AR: variants seen among roughly 807,000 people sequenced by gnomAD.
The protein encoded by AR is androgen receptor.
In AR, 8 loss-of-function variants were observed where a neutral mutation model predicts 53.9. That is an observed-to-expected ratio of 0.15 (90% confidence interval 0.09 to 0.27). AR has a LOEUF of 0.27. Ranked by LOEUF, AR falls within the 10% of genes least tolerant of loss-of-function variation. The pLI is 1.00. For synonymous variants in AR, 359 were observed against 316.4 expected, an observed-to-expected ratio of 1.13 and a Z score of -1.43; for missense variants, 639 against 742.5, an observed-to-expected ratio of 0.86 and a Z score of 1.62.
At chrX:67,567,403 T>C (rs1268022511) in intron 1 of AR, among the ~76,000 whole-genome samples, 1 of 111,241 alleles carries the variant, frequency 9.0e-6, no homozygotes, top group Admixed American at 9.6e-5. Context: ...TAATGGAGGG[T>C]GATGAGGAAA....
At chrX:67,680,376 T>C (rs1236364803) in intron 2 of AR, among the ~76,000 whole-genome samples, 1 of 112,241 alleles carries the variant, frequency 8.9e-6, no homozygotes, top group African/African-American at 3.2e-5. Context: ...TTCAGATAAA[T>C]TTTGGGATTA....
At chrX:67,690,903 C>G (rs1240029384) in intron 3 of AR, among the ~76,000 whole-genome samples, 1 of 111,548 alleles carries the variant, frequency 9.0e-6, no homozygotes, top group African/African-American at 3.3e-5. Context: ...TGAGGAACAG[C>G]AATTGGTTTA....
At chrX:67,621,371 T>A (rs1276810484) in intron 1 of AR, among the ~76,000 whole-genome samples, 1 of 111,766 alleles carries the variant, frequency 8.9e-6, no homozygotes, top group Non-Finnish European at 1.9e-5. Context: ...GTTTGTTTTT[T>A]AATTATACTT....
intron 1 of AR, among the ~76,000 whole-genome samples, chrX:67,637,304 T>A (rs1422970434): frequency 9.8e-6 from 1 of 101,721 alleles, no homozygotes; most frequent in African/African-American, 3.6e-5. Flanking sequence ...ATTAGGTATA[T>A]CTCCTAATGC....
intron 1 of AR, among the ~76,000 whole-genome samples, chrX:67,624,419 G>A: frequency 9.0e-6 from 1 of 111,692 alleles, no homozygotes; most frequent in Non-Finnish European, 1.9e-5. Flanking sequence ...CCCAGGTTCA[G>A]TCTTCACTGG....
chrX:67,692,389 G>A (rs180788189), intron 3 of AR, among the ~76,000 whole-genome samples: 2 of 112,543 alleles, frequency 1.8e-5, no homozygotes, highest in African/African-American at 3.2e-5. Flanking sequence ...CATAACTGAG[G>A]TGTGCACCAA....
At chrX:67,587,065 A>G (rs1365967203) in intron 1 of AR, among the ~76,000 whole-genome samples, 1 of 111,840 alleles carries the variant, frequency 8.9e-6, no homozygotes, top group Non-Finnish European at 1.9e-5. Flanking sequence ...ATGCATTCTC[A>G]TTTCCCAGAT....
chrX:67,666,806 A>G (rs774878256), intron 2 of AR, among the ~76,000 whole-genome samples: 10 of 111,557 alleles, frequency 9.0e-5, no homozygotes, highest in Non-Finnish European at 1.5e-4. Flanking sequence ...TTCTCTGATG[A>G]TCAGTGAGGT....
At chrX:67,695,398 C>T (rs995952867) in intron 3 of AR, 14 of 751,669 alleles carry the variant, frequency 1.9e-5, no homozygotes, top group Middle Eastern at 7.6e-4. Flanking sequence ...TCTCTTCAAA[C>T]ACACTGAGAG....
intron 1 of AR, among the ~76,000 whole-genome samples, chrX:67,559,117 C>T (rs756877642): frequency 3.4e-4 from 38 of 112,291 alleles, no homozygotes; most frequent in Non-Finnish European, 5.8e-4. Context: ...TTAATATGCA[C>T]CAGTTTCTTT....
intron 1 of AR, among the ~76,000 whole-genome samples, chrX:67,571,948 C>T (rs1307456214): frequency 1.8e-5 from 2 of 110,879 alleles, no homozygotes; most frequent in Non-Finnish European, 3.8e-5. Context: ...GGATTCCAGT[C>T]AGAAGATAAA....
rs911622431 is a variant in AR at position 67,582,727 on chromosome X, G to C, written c.1616+35965G>C. ...ATGATTCATTTGGTCTGGTATGAAG[G>C]CCAGGAATCTGTATTTTTAAAATTC... On this transcript the variant is annotated intron_variant, in intron 1 of 7. Transcript: ENST00000374690. Among the ~76,000 whole-genome samples the C allele has an allele frequency of 3.6e-5, 4 of 111,234 alleles. No homozygotes were observed. The East Asian group carries it at 1.1e-3, about 31-fold the overall frequency.
At chrX:67,580,715 C>G (rs993266961) in intron 1 of AR, among the ~76,000 whole-genome samples, 2 of 111,320 alleles carry the variant, frequency 1.8e-5, no homozygotes, top group African/African-American at 6.5e-5. Flanking sequence ...CCATTACTTG[C>G]TGTCATAGCA....
intron 4 of AR, among the ~76,000 whole-genome samples, chrX:67,712,792 A>G (rs1049161346): frequency 8.9e-6 from 1 of 112,309 alleles, no homozygotes; most frequent in African/African-American, 3.2e-5. Flanking sequence ...AAATAACAAC[A>G]ACCAAACCTT....
intron 2 of AR, among the ~76,000 whole-genome samples, chrX:67,653,875 A>G (rs1369077830): frequency 9.0e-6 from 1 of 111,694 alleles, no homozygotes; most frequent in Non-Finnish European, 1.9e-5. Flanking sequence ...GTTGTATTAA[A>G]TGATCTTGAA....
At chrX:67,618,582 A>G (rs1456714124) in intron 1 of AR, among the ~76,000 whole-genome samples, 1 of 111,746 alleles carries the variant, frequency 8.9e-6, no homozygotes, top group Non-Finnish European at 1.9e-5. Flanking sequence ...ATGTGCATCA[A>G]TTATTTGTGT....
rs1602281171 is a variant in AR at position 67,725,066 on chromosome X, C to T, written c.*1225C>T. 1.1e-5 allele frequency: 2 copies of T among 175,773 alleles called. No homozygotes were observed. The highest frequency in any genetic ancestry group is 1.6e-4 in the East Asian group (2 of 12,423). 14.5% of individuals were successfully genotyped at this position (175,773 alleles called of 1,213,427 possible). A position where few individuals can be genotyped will look rare whatever the true frequency, so the allele number is the denominator to read the frequency against. On this transcript the variant is annotated 3_prime_UTR_variant, in exon 8 of 8. Transcript: ENST00000374690. ...CTGAATGAAGTTTTCTGCCAAACTC[C>T]GTGAAGCCACAAGCACCTTATGTCC...
At chrX:67,577,649 T>C (rs1023632221) in intron 1 of AR, among the ~76,000 whole-genome samples, 1 of 111,549 alleles carries the variant, frequency 9.0e-6, no homozygotes, top group Admixed American at 9.5e-5. Context: ...TTATTGTCAT[T>C]GTCCTTTTCA....
chrX:67,723,733 A>C lies in AR; in HGVS notation c.2655A>C (p.Ser885=). Residue 885 remains serine, a synonymous_variant, in exon 8 of 8, where the codon TCA becomes TCC. Transcript: ENST00000374690. ...TCACTTTTGACCTGCTAATCAAGTCACACATGGTGAGCGTGGACTTTCCGG... is the reference window on the plus strand; with the variant it reads ...TCACTTTTGACCTGCTAATCAAGTCCCACATGGTGAGCGTGGACTTTCCGG... ...HQFTFDLLIK[S]HMVSVDFPEM... 4 of 1,210,662 alleles carry C rather than the reference A, an allele frequency of 3.3e-6. No homozygotes were observed. Among genetic ancestry groups the C allele is most frequent in the Non-Finnish European group, 4.5e-6 (4 of 894,978 alleles).
Sources: gnomAD v4.1 joint callset for allele counts (sites outside exome capture counted in the v4.1 genomes callset) on GRCh38, gnomAD v4.1.1 for gene constraint, MANE v1.5 for transcripts, NCBI Gene and HGNC (gene_info 2026-07-23, HGNC 2026-07-21) for gene names.